KDR: variants seen among roughly 807,000 people sequenced by gnomAD.
KDR encodes the protein kinase insert domain receptor, also known as vascular endothelial growth factor receptor 2.
Under a neutral mutation model 160.9 loss-of-function variants are expected in KDR, and 43 were observed. That is an observed-to-expected ratio of 0.27 (90% CI 0.21 to 0.34). The LOEUF (loss-of-function observed/expected upper bound fraction) is 0.34, where lower values mean the gene tolerates loss of function less well. Among genes scored for constraint, KDR ranks in the 10% least tolerant of loss-of-function variants. The pLI is 1.00. For missense variants in KDR, 1,469 were observed against 1,666.4 expected (o/e 0.88, Z 2.06); for synonymous variants, 617 against 600.1 (o/e 1.03, Z -0.41).
In KDR at chr4:55,097,655, C is replaced by CT; in HGVS notation, c.2614+6dup. The CT allele has an allele frequency of 6.3e-7, 1 of 1,583,818 alleles. No individual in the cohort carries two copies. The highest frequency in any genetic ancestry group is 1.3e-5 in the African/African-American group (1 of 74,362). ...AAAGATAGATCACCACATAATTTTG[C>CT]TTTTACCTTTCAACATTTTGACTGC... On this transcript the variant is annotated splice_region_variant and intron_variant, in intron 18 of 29. Transcript: ENST00000263923.
rs747781550 is a variant in KDR, at chr4:55,104,794, C to T, written c.1836G>A (p.Leu612=). ...VCKNLDTLWK[L]NATMFSNSTN... ...TGCTATTAGAGAACATGGTGGCATTCAATTTCCAAAGAGTATCCAAGTTCT... is the reference window on the plus strand; with the variant it reads ...TGCTATTAGAGAACATGGTGGCATTTAATTTCCAAAGAGTATCCAAGTTCT... Residue 612 remains leucine, a synonymous_variant, in exon 13 of 30, where the codon TTG becomes TTA. Transcript: ENST00000263923. 2 of 1,613,966 alleles carry T rather than the reference C, an allele frequency of 1.2e-6. No homozygotes were observed. The highest frequency in any genetic ancestry group is 1.1e-5 in the South Asian group (1 of 91,082).
intron 26 of KDR, among the ~76,000 whole-genome samples, chr4:55,088,586 T>G (rs1419507544): frequency 1.3e-5 from 2 of 152,198 alleles, no homozygotes; most frequent in African/African-American, 2.4e-5. Flanking sequence ...CAACCAGATT[T>G]TTTCTTTGTT....
Position 55,107,925 on chromosome 4 carries a change from C to T in KDR, c.1256-32G>A, listed in dbSNP as rs538182552. 9 of 1,612,538 alleles carry T rather than the reference C, an allele frequency of 5.6e-6. No individual in the cohort carries two copies. The Admixed American group carries it at 8.3e-5, about 15-fold the overall frequency. On this transcript the variant is annotated intron_variant, in intron 9 of 29. Coordinates refer to ENST00000263923, the MANE Select transcript of KDR (RefSeq NM_002253.4). ...ATGGGAAAAACAACTTTTGAATTGT[C>T]AGTCAGCTTTGAAGAATGGGAAATA...
Position 55,096,132 on chromosome 4 carries a change from A to G in KDR, c.2728+97T>C, listed in dbSNP as rs976961973. ...AGGAATCCGCAAAGTATTCTAAGCT[A>G]AGAAAATCAAGGCCAGAGGAGTTGA... is the stretch of plus-strand genomic sequence containing the variant. On this transcript the variant is annotated intron_variant, in intron 19 of 29. Transcript: ENST00000263923. The G allele has an allele frequency of 1.6e-5, 12 of 733,418 alleles. No individual in the cohort carries two copies. The African/African-American group carries it at 2.1e-4, about 13-fold the overall frequency. 45.4% of individuals were successfully genotyped at this position (733,418 alleles called of 1,614,324 possible). A position where few individuals can be genotyped will look rare whatever the true frequency, so the allele number is the denominator to read the frequency against.
chr4:55,110,602 A>G (rs2110027747), intron 8 of KDR, 36 bp from the exon 9 acceptor site: 2 of 1,612,918 alleles, frequency 1.2e-6, no homozygotes, highest in Non-Finnish European at 1.7e-6. Flanking sequence ...AGTATAGTCA[A>G]AGGATTTGCT....
intron 2 of KDR, 148 bp from the exon 3 acceptor site, chr4:55,118,948 C>A: frequency 1.4e-6 from 1 of 717,852 alleles, no homozygotes; most frequent in Non-Finnish European, 2.4e-6. Context: ...GTGGCTCATG[C>A]CTATAATCCC....
chr4:55,095,500 T>C, intron 20 of KDR, 77 bp downstream of exon 20: 1 of 1,111,048 alleles, frequency 9.0e-7, no homozygotes, highest in Admixed American at 1.7e-5. Context: ...AAATTTCAAC[T>C]AAAAAACTAA....
chr4:55,118,871 A>G, intron 2 of KDR, 71 bp from the exon 3 acceptor site: 3 of 1,391,622 alleles, frequency 2.2e-6, no homozygotes, highest in Non-Finnish European at 2.0e-6. Context: ...AGAAAAGAGA[A>G]AATTTGGTTT....
At chr4:55,089,506 T>C (rs756771523) in intron 24 of KDR, 33 bp from the exon 25 acceptor site, 2 of 1,534,800 alleles carry the variant, frequency 1.3e-6, no homozygotes, top group African/African-American at 2.7e-5. Flanking sequence ...CATTCTTTGA[T>C]TTGATTTTCT....
Position 55,078,837 on chromosome 4 carries a change from G to T in KDR, c.*1104C>A. 1 of 233,164 alleles carries T rather than the reference G, an allele frequency of 4.3e-6. No homozygotes were observed. Among genetic ancestry groups the T allele is most frequent in the Non-Finnish European group, 8.5e-6 (1 of 117,996 alleles). The allele number at this position is 233,164 out of a possible 1,614,324, so 14.4% of individuals were successfully genotyped here. On this transcript the variant is annotated 3_prime_UTR_variant, in exon 30 of 30. Coordinates refer to ENST00000263923, the MANE Select transcript of KDR (RefSeq NM_002253.4). Reference sequence around the variant, plus strand: ...GGGCTATAAAATAATTTTGAAGTCTGGCTAATAATCATTCAGAGAGTGAAC... The same window carrying T: ...GGGCTATAAAATAATTTTGAAGTCTTGCTAATAATCATTCAGAGAGTGAAC...
chr4:55,097,717 G>A lies in KDR; in HGVS notation c.2559C>T (p.Ala853=), dbSNP rs2110017251. ...AAGTTGCTGTCTTGTCAATTCCAAA[G>A]GCATCTGCTTCAATCACTTGGCCAA... ...GAFGQVIEAD[A]FGIDKTATCR... The change falls in exon 18 of 30, where the codon GCC becomes GCT. Residue 853 remains alanine (A), a synonymous_variant. Transcript: ENST00000263923. The A allele has an allele frequency of 6.2e-7, 1 of 1,613,234 alleles. No homozygotes were observed. Among genetic ancestry groups the A allele is most frequent in the Non-Finnish European group, 8.5e-7 (1 of 1,179,674 alleles).
At chr4:55,087,553 C>G (rs950287107) in intron 27 of KDR, 54 bp downstream of exon 27, 1 of 1,541,956 alleles carries the variant, frequency 6.5e-7, no homozygotes, top group South Asian at 1.1e-5. Context: ...ATCCCCCTCC[C>G]GAGATGGCCT....
chr4:55,125,467 G>A lies in KDR; in HGVS notation c.-174C>T. ...CGACCGCGGCTGCAGGGGCGTCTGCGGGTGCCGGTAGGAGAGGATATCCAG... is the reference window on the plus strand; with the variant it reads ...CGACCGCGGCTGCAGGGGCGTCTGCAGGTGCCGGTAGGAGAGGATATCCAG... On this transcript the variant is annotated 5_prime_UTR_variant, in exon 1 of 30. Transcript: ENST00000263923. 1.4e-6 allele frequency: 1 copy of A among 719,058 alleles called. No individual in the cohort carries two copies. Among genetic ancestry groups the A allele is most frequent in the East Asian group, 2.7e-5 (1 of 36,954 alleles). 44.5% of individuals were successfully genotyped at this position (719,058 alleles called of 1,614,324 possible). A position where few individuals can be genotyped will look rare whatever the true frequency, so the allele number is the denominator to read the frequency against.
At chr4:55,083,109 C>T (rs1719778972) in intron 27 of KDR, among the ~76,000 whole-genome samples, 1 of 152,186 alleles carries the variant, frequency 6.6e-6, no homozygotes, top group African/African-American at 2.4e-5. Flanking sequence ...TTAAAGGATA[C>T]TGAACCCAGC....
chr4:55,119,635 C>T (rs903173156), intron 2 of KDR, among the ~76,000 whole-genome samples: 1 of 151,904 alleles, frequency 6.6e-6, no homozygotes, highest in Non-Finnish European at 1.5e-5. Flanking sequence ...ATGGAAAGGC[C>T]CTGGAGCAGG....
At chr4:55,081,867 A>G (rs1578124728) in intron 29 of KDR, 89 bp downstream of exon 29, 7 of 844,770 alleles carry the variant, frequency 8.3e-6, no homozygotes, top group Non-Finnish European at 1.4e-5. Flanking sequence ...AAGACCCCAT[A>G]GGGAAAATTC....
In KDR at chr4:55,113,438, G is replaced by T; in HGVS notation, c.842C>A (p.Ser281Tyr). ...KLVNRDLKTQ[S>Y]GSEMKKFLST... is the part of the protein sequence containing the mutation. ...CAAAAATTTCTTCATCTCACTCCCAGACTGGGTTTTTAGGTCTCGGTTTAC... is the reference window on the plus strand; with the variant it reads ...CAAAAATTTCTTCATCTCACTCCCATACTGGGTTTTTAGGTCTCGGTTTAC... Residue 281 changes from serine to tyrosine, a missense_variant, in exon 7 of 30, where the codon TCT becomes TAT. Physicochemically the swap from Ser to Tyr is moderately radical, Grantham distance 144 (BLOSUM62 -2). Transcript: ENST00000263923. 6.2e-7 allele frequency: 1 copy of T among 1,613,932 alleles called. No homozygotes were observed.
At chr4:55,102,235 A>C in intron 14 of KDR, 127 bp downstream of exon 14, 2 of 1,319,084 alleles carry the variant, frequency 1.5e-6, no homozygotes, top group Admixed American at 3.4e-5. Context: ...TAAGTCTGTG[A>C]AATGAGCCAG....
Position 55,114,159 on chromosome 4 carries a change from C to A in KDR, c.765G>T (p.Gly255=), listed in dbSNP as rs142474707. Residue 255 remains glycine (G), a synonymous_variant, in exon 6 of 30, where the codon GGG becomes GGT. Transcript: ENST00000263923. ...NCTARTELNV[G]IDFNWEYPSS... ...AAGGGTATTCCCAGTTGAAGTCAATCCCCACATTTAGTTCAGTTCTTGCTG... is the reference window on the plus strand; with the variant it reads ...AAGGGTATTCCCAGTTGAAGTCAATACCCACATTTAGTTCAGTTCTTGCTG... The A allele has an allele frequency of 6.2e-7, 1 of 1,613,932 alleles. No individual in the cohort carries two copies. The highest frequency in any genetic ancestry group is 1.3e-5 in the African/African-American group (1 of 75,024).
Sources: allele counts gnomAD v4.1 joint callset (sites outside exome capture counted in the v4.1 genomes callset), GRCh38; gene constraint gnomAD v4.1.1; transcripts MANE v1.5; gene names NCBI Gene and HGNC (gene_info 2026-07-23, HGNC 2026-07-21).